Variants in ST6GAL2 observed in about 807,000 individuals in gnomAD.
The protein encoded by ST6GAL2 is ST6 beta-galactoside alpha-2,6-sialyltransferase 2.
In ST6GAL2, 24 loss-of-function variants were observed where a neutral mutation model predicts 37.5. The ratio of observed to expected loss-of-function variants is 0.64; its 90% CI spans 0.46 to 0.90. The LOEUF is 0.90. Among genes scored for constraint, ST6GAL2 ranks in the 40% least tolerant of loss-of-function variants. The probability of loss-of-function intolerance (pLI) is 0.00; values close to 1 mark genes in which losing one functional copy is unlikely to be tolerated. For missense variants in ST6GAL2, 715 were observed against 712.7 expected (o/e 1.00, Z -0.04); for synonymous variants, 306 against 295.1 (o/e 1.04, Z -0.38).
At chr2:106,874,295 G>C (rs957923588) in intron 1 of ST6GAL2, among the ~76,000 whole-genome samples, 4 of 152,142 alleles carry the variant, frequency 2.6e-5, no homozygotes, top group African/African-American at 9.7e-5. Flanking sequence ...ATGGGAGTTG[G>C]TGGAAGTTAG....
rs1389583318 is a variant in ST6GAL2, at chr2:106,856,209, T to C, written c.-57-12175A>G. ...CCAGCTCTGCTGTGTGCCTGCAGGCTGAGCTAAGCACTCATGTATTCCATC... is the reference window on the plus strand; with the variant it reads ...CCAGCTCTGCTGTGTGCCTGCAGGCCGAGCTAAGCACTCATGTATTCCATC... On this transcript the variant is annotated intron_variant, in intron 1 of 5. Coordinates refer to ENST00000409382, the MANE Select transcript of ST6GAL2 (RefSeq NM_001142351.2). 3.9e-5 allele frequency among the ~76,000 whole-genome samples: 6 copies of C among 152,262 alleles called. No individual in the cohort carries two copies. In the East Asian group the frequency reaches 1.2e-3, roughly 29 times the overall value.
At chr2:106,863,624 A>G (rs1677898795) in intron 1 of ST6GAL2, among the ~76,000 whole-genome samples, 1 of 152,106 alleles carries the variant, frequency 6.6e-6, no homozygotes, top group African/African-American at 2.4e-5. Flanking sequence ...CACCTGCAAA[A>G]CACTGAGAAA....
chr2:106,850,162 T>C lies in ST6GAL2; in HGVS notation c.-57-6128A>G, dbSNP rs115081685. Among the ~76,000 whole-genome samples, 1,254 of 152,226 alleles carry C rather than the reference T, an allele frequency of 8.2e-3. 4 individuals are homozygous for C. The highest frequency in any genetic ancestry group is 0.011 in the Non-Finnish European group (743 of 68,012). ...AGTTTCTACCCAGAAGAAACTACCC[T>C]TGTTTGTCATGGGGAGATGACATAT... is the stretch of plus-strand genomic sequence containing the variant. On this transcript the variant is annotated intron_variant, in intron 1 of 5. Coordinates refer to ENST00000409382, the MANE Select transcript of ST6GAL2 (RefSeq NM_001142351.2).
rs150602407 is a variant in ST6GAL2, at chr2:106,830,583, C to T, written c.1144-343G>A. Among the ~76,000 whole-genome samples the T allele has an allele frequency of 2.6e-3, 400 of 152,328 alleles. 3 individuals are homozygous for T. The highest frequency in any genetic ancestry group is 9.3e-3 in the African/African-American group (387 of 41,578). ...AGTCGTCTCTACTCAACGGTACCAT[C>T]GTAGCACGGAAGCAGTCATGGACAA... On this transcript the variant is annotated intron_variant, in intron 4 of 5. Coordinates refer to ENST00000409382, the MANE Select transcript of ST6GAL2 (RefSeq NM_001142351.2).
chr2:106,824,470 A>G (rs1410833080), intron 5 of ST6GAL2, among the ~76,000 whole-genome samples: 3 of 152,270 alleles, frequency 2.0e-5, no homozygotes, highest in South Asian at 4.2e-4. Context: ...GTCTCTACTA[A>G]GAATACAAAA....
At chr2:106,850,076 A>G (rs1000458019) in intron 1 of ST6GAL2, among the ~76,000 whole-genome samples, 2 of 152,204 alleles carry the variant, frequency 1.3e-5, no homozygotes, top group Non-Finnish European at 2.9e-5. Flanking sequence ...AATATTTTAC[A>G]GGGCTTTTGT....
rs530800876 is a variant in ST6GAL2 at position 106,850,841 on chromosome 2, G to C, written c.-57-6807C>G. Among the ~76,000 whole-genome samples, 4 of 152,266 alleles carry C rather than the reference G, an allele frequency of 2.6e-5. No homozygotes were observed. In the South Asian group the frequency reaches 8.3e-4, roughly 32 times the overall value. On this transcript the variant is annotated intron_variant, in intron 1 of 5. Coordinates refer to ENST00000409382, the MANE Select transcript of ST6GAL2 (RefSeq NM_001142351.2). ...ATTATAATTATACAACTTAAAGAAA[G>C]TCGTCGGTAATACTCACTGCCATAT...
In ST6GAL2 at chr2:106,834,121, A is replaced by C. The variant is rs767472492; in HGVS notation, c.969T>G (p.Phe323Leu). Residue 323 changes from phenylalanine to leucine, a missense_variant, in exon 3 of 6, where the codon TTT becomes TTG. Around this residue, in one of 3 missense-constraint regions of ST6GAL2, gnomAD observed 512 missense variants for 488.8 expected, o/e 1.05. Transcript: ENST00000409382. ...CATAACCACGTGTAGGAGCAGAGTT[A>C]AATCTCAAAACCGCATCATGAGAAT... ...EIDSHDAVLR[F>L]NSAPTRGYEK... 4.3e-6 allele frequency: 7 copies of C among 1,613,672 alleles called. No individual in the cohort carries two copies. Among genetic ancestry groups the C allele is most frequent in the Middle Eastern group, 1.6e-4 (1 of 6,080 alleles).
intron 1 of ST6GAL2, among the ~76,000 whole-genome samples, chr2:106,870,095 C>A (rs1416349836): frequency 6.6e-6 from 1 of 152,094 alleles, no homozygotes; most frequent in African/African-American, 2.4e-5. Flanking sequence ...AGGCAGTCAC[C>A]TGGGGGATGG....
chr2:106,865,048 C>T (rs968197998), intron 1 of ST6GAL2, among the ~76,000 whole-genome samples: 10 of 152,134 alleles, frequency 6.6e-5, no homozygotes, highest in Admixed American at 1.3e-4. Context: ...AACTGGGATG[C>T]GATGTGCAAG....
At chr2:106,813,733 G>C (rs1675696026) in intron 5 of ST6GAL2, among the ~76,000 whole-genome samples, 1 of 152,100 alleles carries the variant, frequency 6.6e-6, no homozygotes, top group African/African-American at 2.4e-5. Flanking sequence ...ATATAAAACA[G>C]AACATAATAC....
chr2:106,830,257 C>T lies in ST6GAL2; in HGVS notation c.1144-17G>A. The stretch of plus-strand genomic sequence containing the variant: ...TTTGTACCACTAAGGAAAAAAAAAT[C>T]AATGCAGTCAAGTAGAAAGAACTAA... On this transcript the variant is annotated splice_polypyrimidine_tract_variant and intron_variant, in intron 4 of 5. Transcript: ENST00000409382. The T allele has an allele frequency of 6.3e-7, 1 of 1,596,828 alleles. No individual in the cohort carries two copies. Among genetic ancestry groups the T allele is most frequent in the South Asian group, 1.1e-5 (1 of 90,208 alleles).
chr2:106,860,328 G>T (rs1302508337), intron 1 of ST6GAL2, among the ~76,000 whole-genome samples: 1 of 152,188 alleles, frequency 6.6e-6, no homozygotes, highest in Non-Finnish European at 1.5e-5. Context: ...CTGGCATACA[G>T]TAAGTACTCA....
At chr2:106,870,407 T>C (rs1678215596) in intron 1 of ST6GAL2, among the ~76,000 whole-genome samples, 1 of 152,188 alleles carries the variant, frequency 6.6e-6, no homozygotes, top group Non-Finnish European at 1.5e-5. Flanking sequence ...GGCCACTTCT[T>C]CTTGTTAGAT....
chr2:106,871,394 T>A (rs1000658514), intron 1 of ST6GAL2, among the ~76,000 whole-genome samples: 3 of 152,108 alleles, frequency 2.0e-5, no homozygotes, highest in Admixed American at 6.5e-5. Context: ...TAAGTTTACA[T>A]GAAATTTACA....
chr2:106,848,631 A>T (rs7585279), intron 1 of ST6GAL2, among the ~76,000 whole-genome samples: 15,435 of 152,258 alleles, frequency 0.1, 991 homozygotes, highest in Admixed American at 0.12. Flanking sequence ...ATAATCTAAT[A>T]TGACCTTGGT....
At chr2:106,854,459 A>G (rs1275288635) in intron 1 of ST6GAL2, among the ~76,000 whole-genome samples, 1 of 152,260 alleles carries the variant, frequency 6.6e-6, no homozygotes, top group Non-Finnish European at 1.5e-5. Flanking sequence ...AAAAGGTGGC[A>G]TAACACACAT....
chr2:106,820,585 A>T (rs1003911005), intron 5 of ST6GAL2, among the ~76,000 whole-genome samples: 1 of 152,084 alleles, frequency 6.6e-6, no homozygotes, highest in Non-Finnish European at 1.5e-5. Flanking sequence ...CAGACAGAAA[A>T]TCAACAAAGA....
intron 1 of ST6GAL2, among the ~76,000 whole-genome samples, chr2:106,861,875 G>C (rs994897564): frequency 2.5e-4 from 38 of 152,014 alleles, no homozygotes; most frequent in African/African-American, 8.7e-4. Context: ...CAAGTGATCT[G>C]CCCGCCTTTG....
Sources: gnomAD v4.1 joint callset for allele counts (sites outside exome capture counted in the v4.1 genomes callset) on GRCh38, gnomAD v4.1.1 for gene constraint, gnomAD v4.1.1 regional missense constraint, MANE v1.5 for transcripts, NCBI Gene and HGNC (gene_info 2026-07-23, HGNC 2026-07-21) for gene names.